Variants in KCNQ5 observed in about 807,000 individuals in gnomAD.
KCNQ5 encodes the protein potassium voltage-gated channel subfamily KQT member 5.
In KCNQ5, 30 loss-of-function variants were observed where a neutral mutation model predicts 98.2. That is an observed-to-expected ratio of 0.31 (90% CI 0.23 to 0.41). The LOEUF (loss-of-function observed/expected upper bound fraction) is 0.41. Among genes scored for constraint, KCNQ5 ranks in the 10% least tolerant of loss-of-function variants. KCNQ5 has a pLI of 1.00. For synonymous variants in KCNQ5, 458 were observed against 449.4 expected, an observed-to-expected ratio of 1.02 and a Z score of -0.24; for missense variants, 835 against 1,182.5, an observed-to-expected ratio of 0.71 and a Z score of 4.31.
chr6:72,676,699 G>A (rs950553713), intron 1 of KCNQ5, among the ~76,000 whole-genome samples: 4 of 124,434 alleles, frequency 3.2e-5, no homozygotes, highest in African/African-American at 1.1e-4. Context: ...ATCTATTTTT[G>A]CTTTTTTCCA....
chr6:72,765,195 G>A (rs763195629), intron 1 of KCNQ5, among the ~76,000 whole-genome samples: 6 of 151,908 alleles, frequency 3.9e-5, no homozygotes, highest in Admixed American at 6.6e-5. Context: ...AGAATCCTTC[G>A]AATTGTTTTC....
intron 1 of KCNQ5, among the ~76,000 whole-genome samples, chr6:72,718,269 T>C (rs1332365978): frequency 6.6e-6 from 1 of 152,036 alleles, no homozygotes; most frequent in African/African-American, 2.4e-5. Context: ...CCTAAGAAGG[T>C]ATGAATAGCT....
intron 1 of KCNQ5, among the ~76,000 whole-genome samples, chr6:72,856,034 T>G (rs1264133977): frequency 6.6e-6 from 1 of 152,208 alleles, no homozygotes; most frequent in Non-Finnish European, 1.5e-5. Context: ...CTGTGTAAAT[T>G]TTGAATGAAC....
At chr6:72,995,245 G>T (rs1162656216) in intron 1 of KCNQ5, among the ~76,000 whole-genome samples, 3 of 151,944 alleles carry the variant, frequency 2.0e-5, no homozygotes, top group African/African-American at 7.3e-5. Context: ...GTGCACGCCT[G>T]GAGTCCCAGT....
intron 1 of KCNQ5, among the ~76,000 whole-genome samples, chr6:72,700,181 C>T (rs1355937722): frequency 1.3e-5 from 2 of 152,132 alleles, no homozygotes; most frequent in African/African-American, 4.8e-5. Flanking sequence ...GGGCAGGAAG[C>T]TCACATAACT....
chr6:72,893,602 G>A (rs974114529), intron 1 of KCNQ5, among the ~76,000 whole-genome samples: 1 of 152,056 alleles, frequency 6.6e-6, no homozygotes, highest in African/African-American at 2.4e-5. Context: ...ACACTGACTT[G>A]GTAAGAAAAA....
intron 1 of KCNQ5, among the ~76,000 whole-genome samples, chr6:72,838,871 A>ACC (rs1776645134): frequency 7.2e-6 from 1 of 139,794 alleles, no homozygotes; most frequent in Non-Finnish European, 1.5e-5. Flanking sequence ...AATGGCGTGA[A>ACC]CCCGGGAGGC....
intron 1 of KCNQ5, among the ~76,000 whole-genome samples, chr6:72,928,353 A>G (rs1412649102): frequency 1.3e-5 from 2 of 152,098 alleles, no homozygotes; most frequent in Non-Finnish European, 2.9e-5. Context: ...TGCAGTTGGA[A>G]GGACTCTTTG....
At chr6:72,623,767 G>A (rs1282679330) in intron 1 of KCNQ5, among the ~76,000 whole-genome samples, 1 of 152,132 alleles carries the variant, frequency 6.6e-6, no homozygotes, top group Non-Finnish European at 1.5e-5. Flanking sequence ...GATACTCGCT[G>A]ATACATTCCT....
intron 1 of KCNQ5, among the ~76,000 whole-genome samples, chr6:72,711,897 G>A (rs1036934252): frequency 6.6e-6 from 1 of 152,216 alleles, no homozygotes; most frequent in Admixed American, 6.5e-5. Flanking sequence ...TGGCCATGCT[G>A]AATTTGAGAT....
intron 1 of KCNQ5, among the ~76,000 whole-genome samples, chr6:72,997,782 C>CAAAAAAA (rs70994154): frequency 3.2e-5 from 2 of 62,066 alleles, no homozygotes; most frequent in African/African-American, 1.3e-4. Context: ...GACTCTGTCT[C>CAAAAAAA]AAAAAAAAAA....
chr6:73,016,087 A>G (rs1235417677), intron 2 of KCNQ5, among the ~76,000 whole-genome samples: 1 of 152,156 alleles, frequency 6.6e-6, no homozygotes, highest in African/African-American at 2.4e-5. Flanking sequence ...CCTAGAATAA[A>G]CAAACAGGAA....
At chr6:72,718,445 C>CTTTTT (rs1032425332) in intron 1 of KCNQ5, among the ~76,000 whole-genome samples, 2 of 71,450 alleles carry the variant, frequency 2.8e-5, no homozygotes, top group African/African-American at 6.1e-5. Flanking sequence ...CCTTTCTGCT[C>CTTTTT]TTTTTTTTTT....
At chr6:72,671,450 A>G (rs538082206) in intron 1 of KCNQ5, among the ~76,000 whole-genome samples, 2 of 152,318 alleles carry the variant, frequency 1.3e-5, no homozygotes, top group Admixed American at 6.5e-5. Flanking sequence ...AGGTTTTCAT[A>G]AACTTTATTC....
At chr6:73,141,548 T>C (rs1447114644) in intron 10 of KCNQ5, among the ~76,000 whole-genome samples, 1 of 152,244 alleles carries the variant, frequency 6.6e-6, no homozygotes, top group African/African-American at 2.4e-5. Flanking sequence ...CCATGGTTTG[T>C]TGTTACTCTA....
intron 1 of KCNQ5, among the ~76,000 whole-genome samples, chr6:72,781,304 T>C (rs1773456919): frequency 6.6e-6 from 1 of 152,172 alleles, no homozygotes; most frequent in Non-Finnish European, 1.5e-5. Flanking sequence ...CCCTAGAGTC[T>C]TCATAGGGAG....
At chr6:72,907,444 T>A (rs568571863) in intron 1 of KCNQ5, among the ~76,000 whole-genome samples, 1 of 152,328 alleles carries the variant, frequency 6.6e-6, no homozygotes, top group Admixed American at 6.5e-5. Flanking sequence ...GGAATGTATT[T>A]TTGGTTAATG....
intron 2 of KCNQ5, among the ~76,000 whole-genome samples, chr6:73,027,891 CAGA>C (rs1770962371): frequency 6.6e-6 from 1 of 152,100 alleles, no homozygotes; most frequent in South Asian, 2.1e-4. Flanking sequence ...GGTAATAAAA[CAGA>C]AGAAGTTGTA....
intron 3 of KCNQ5, among the ~76,000 whole-genome samples, chr6:73,045,968 A>G (rs1416265494): frequency 6.6e-6 from 1 of 152,052 alleles, no homozygotes; most frequent in Non-Finnish European, 1.5e-5. Context: ...AATTATTTCC[A>G]CAAGAGGACA....
Sources: allele counts gnomAD v4.1 joint callset (sites outside exome capture counted in the v4.1 genomes callset), GRCh38; gene constraint gnomAD v4.1.1; transcripts MANE v1.5; gene names NCBI Gene and HGNC (gene_info 2026-07-23, HGNC 2026-07-21).